Variants in CLEC4A observed in about 807,000 individuals in gnomAD.
The protein encoded by CLEC4A is C-type lectin domain family 4 member A, also known as C-type (calcium dependent, carbohydrate-recognition domain) lectin, superfamily member 6.
A neutral mutation model predicts 32.7 loss-of-function variants in CLEC4A; 27 were observed. The ratio of observed to expected loss-of-function variants is 0.83; its 90% confidence interval spans 0.61 to 1.14. CLEC4A has a LOEUF of 1.14. Among genes scored for constraint, CLEC4A ranks in the 50% most tolerant of loss-of-function variants. The pLI is 0.00. For missense variants in CLEC4A, 253 were observed against 274.6 expected, an observed-to-expected ratio of 0.92 and a Z score of 0.55; for synonymous variants, 89 against 93.7, an observed-to-expected ratio of 0.95 and a Z score of 0.29.
At chr12:8,121,190 G>A (rs915122387), upstream of CLEC4A, 2 of 152,196 alleles carry the variant, frequency 1.3e-5, no homozygotes, top group African/African-American at 4.8e-5. Flanking sequence ...GTTATAATGT[G>A]ACTTATTCCA....
chr12:8,127,375 A>G (rs1947919533), intron 2 of CLEC4A, among the ~76,000 whole-genome samples: 1 of 152,260 alleles, frequency 6.6e-6, no homozygotes, highest in African/African-American at 2.4e-5. Context: ...CTATTGGCCA[A>G]AAGAAGTCTT....
chr12:8,122,463 T>C (rs1410975288), upstream of CLEC4A, among the ~76,000 whole-genome samples: 1 of 123,528 alleles, frequency 8.1e-6, no homozygotes, highest in Non-Finnish European at 1.7e-5. Flanking sequence ...TGTTGGGGGA[T>C]GTTCATGGGG....
Position 8,138,143 on chromosome 12 carries a change from C to T in CLEC4A, c.570C>T (p.Phe190=). The T allele has an allele frequency of 6.2e-7, 1 of 1,613,526 alleles. No individual in the cohort carries two copies. Among genetic ancestry groups the T allele is most frequent in the Non-Finnish European group, 8.5e-7 (1 of 1,179,758 alleles). The change falls in exon 6 of 6, where the codon TTC becomes TTT. Residue 190 remains phenylalanine (F), a synonymous_variant. Transcript: ENST00000229332. ...TCATCCTTTTTGTCGCTTTCAGATT[C>T]TGGCATCCACGTGAGCCCAGTGATC... ...DQTPYNESST[F]WHPREPSDPN... is the part of the protein sequence containing the mutation.
intron 1 of CLEC4A, among the ~76,000 whole-genome samples, chr12:8,124,829 TA>T (rs1947874678): frequency 1.3e-5 from 2 of 152,366 alleles, no homozygotes; most frequent in South Asian, 4.1e-4. Flanking sequence ...GAATTATAAT[TA>T]CTCTTATCAT....
the CLEC4A span, among the ~76,000 whole-genome samples, chr12:8,108,353 TTTAC>T: frequency 6.6e-6 from 1 of 152,228 alleles, no homozygotes; most frequent in Non-Finnish European, 1.5e-5. Context: ...CATTTGGTAG[TTTAC>T]CGTCTCATTT....
intron 4 of CLEC4A, 89 bp from the exon 5 acceptor site, chr12:8,136,699 C>G (rs1371638488): frequency 7.9e-6 from 6 of 756,360 alleles, no homozygotes; most frequent in Non-Finnish European, 1.4e-5. Context: ...GCTGGATCCT[C>G]TCCTTTTCTT....
At chr12:8,127,094 A>G (rs148225102) in intron 2 of CLEC4A, among the ~76,000 whole-genome samples, 3 of 152,358 alleles carry the variant, frequency 2.0e-5, no homozygotes, top group African/African-American at 7.2e-5. Flanking sequence ...TTGGCAATTG[A>G]GACTGGTGTC....
chr12:8,126,728 A>C (rs1947907439), intron 2 of CLEC4A, among the ~76,000 whole-genome samples: 1 of 152,174 alleles, frequency 6.6e-6, no homozygotes, highest in African/African-American at 2.4e-5. Flanking sequence ...TAAGTGTTGT[A>C]CAGTTAAGAA....
chr12:8,114,583 A>C, the CLEC4A span, among the ~76,000 whole-genome samples: 1 of 152,136 alleles, frequency 6.6e-6, no homozygotes, highest in Non-Finnish European at 1.5e-5. Context: ...TTGTAGACTC[A>C]CCTTGTACTT....
chr12:8,127,250 G>T (rs1458974566), intron 2 of CLEC4A, among the ~76,000 whole-genome samples: 2 of 152,154 alleles, frequency 1.3e-5, no homozygotes, highest in African/African-American at 4.8e-5. Context: ...CATTCATCAG[G>T]GTAGCCTGGG....
At chr12:8,117,163 G>A in the CLEC4A span, among the ~76,000 whole-genome samples, 3 of 151,938 alleles carry the variant, frequency 2.0e-5, no homozygotes, top group Non-Finnish European at 4.4e-5. Flanking sequence ...GGGTTATCCA[G>A]TGCCATAAGA....
At position 8,138,526 on chromosome 12, in the gene CLEC4A, T is replaced by C. The variant is rs1133104; in HGVS notation, c.*239T>C. 1 of 408,232 alleles carries C rather than the reference T, an allele frequency of 2.4e-6. No homozygotes were observed. The highest frequency in any genetic ancestry group is 4.4e-6 in the Non-Finnish European group (1 of 229,180). 25.3% of individuals were successfully genotyped at this position (408,232 alleles called of 1,614,324 possible). ...ACTGGAGGCCCCCATTGTGCACACA[T>C]GGAGAGAACATGAGTCTCTCTTAAT... is the stretch of plus-strand genomic sequence containing the variant. On this transcript the variant is annotated 3_prime_UTR_variant, in exon 6 of 6. Transcript: ENST00000229332.
intron 1 of CLEC4A, 109 bp from the exon 2 acceptor site, chr12:8,125,452 C>T (rs973001064): frequency 1.4e-5 from 9 of 653,200 alleles, no homozygotes; most frequent in Admixed American, 2.4e-5. Context: ...AATGTCATAC[C>T]GTTAGTAACT....
the CLEC4A span, among the ~76,000 whole-genome samples, chr12:8,107,722 A>G: frequency 6.7e-6 from 1 of 149,166 alleles, no homozygotes; most frequent in African/African-American, 2.5e-5. Context: ...TGTGGGGCCA[A>G]TGGTAATGCC....
In CLEC4A at chr12:8,129,815, AAT is replaced by A. The variant is rs1947966889; in HGVS notation, c.298+459_298+460del. On this transcript the variant is annotated intron_variant, in intron 3 of 5. Transcript: ENST00000229332. ...AAAAAACCCAAAAGACAAAAAAACA[AAT>A]ATATAGGACATAAAATTCTTTTGTT... Among the ~76,000 whole-genome samples, 8 of 152,264 alleles carry A rather than the reference AAT, an allele frequency of 5.3e-5. No homozygotes were observed. The South Asian group carries it at 1.7e-3, about 32-fold the overall frequency.
upstream of CLEC4A, among the ~76,000 whole-genome samples, chr12:8,120,525 G>A (rs757045536): frequency 7.2e-5 from 11 of 152,212 alleles, no homozygotes; most frequent in African/African-American, 1.4e-4. Context: ...GAGAGTGAAC[G>A]AACAAGTGAA....
the CLEC4A span, among the ~76,000 whole-genome samples, chr12:8,113,257 G>A: frequency 6.6e-6 from 1 of 151,802 alleles, no homozygotes; most frequent in South Asian, 2.1e-4. Flanking sequence ...GAGAATGATG[G>A]TTACCAGTTT....
chr12:8,138,571 A>G lies in CLEC4A; in HGVS notation c.*284A>G, dbSNP rs777444530. On this transcript the variant is annotated 3_prime_UTR_variant, in exon 6 of 6. Transcript: ENST00000229332. ...CTTAATTTTTATCTGGTTGCTAAAG[A>G]ATTATTTACCAATAAAATTATATGA... is the stretch of plus-strand genomic sequence containing the variant. The G allele has an allele frequency of 8.8e-6, 2 of 226,816 alleles. No homozygotes were observed. Among genetic ancestry groups the G allele is most frequent in the African/African-American group, 4.6e-5 (2 of 43,546 alleles). The allele number at this position is 226,816 out of a possible 1,614,324, so 14.1% of individuals were successfully genotyped here. A position where few individuals can be genotyped will look rare whatever the true frequency, so the allele number is the denominator to read the frequency against.
Position 8,129,165 on chromosome 12 carries a change from T to C in CLEC4A, c.200-99T>C, listed in dbSNP as rs376898788. 2.6e-4 allele frequency: 183 copies of C among 716,472 alleles called. 2 individuals are homozygous for C. The South Asian group carries it at 3.1e-3, about 12-fold the overall frequency. 44.4% of individuals were successfully genotyped at this position (716,472 alleles called of 1,614,324 possible). On this transcript the variant is annotated intron_variant, in intron 2 of 5. Transcript: ENST00000229332. ...TCCCTCTACTCCAGTAATAGGGCATTTGTAAGTTTTATTTCAATAAAGAAT... is the reference window on the plus strand; with the variant it reads ...TCCCTCTACTCCAGTAATAGGGCATCTGTAAGTTTTATTTCAATAAAGAAT...
Sources: gnomAD v4.1 joint callset for allele counts (sites outside exome capture counted in the v4.1 genomes callset) on GRCh38, gnomAD v4.1.1 for gene constraint, MANE v1.5 for transcripts, NCBI Gene and HGNC (gene_info 2026-07-23, HGNC 2026-07-21) for gene names.